STARD4: variants seen among roughly 807,000 people sequenced by gnomAD.
The protein encoded by STARD4 is stAR-related lipid transfer protein 4.
Under a neutral mutation model 24.9 loss-of-function variants are expected in STARD4, and 33 were observed. The observed-to-expected ratio is 1.32, with a 90% CI of 1.00 to 1.77. The LOEUF (loss-of-function observed/expected upper bound fraction) is 1.77. STARD4 is among the 40% of genes most tolerant of loss of function. The pLI is 0.00. For missense variants in STARD4, 238 were observed against 249.3 expected (o/e 0.95, Z 0.31); for synonymous variants, 88 against 77.4 (o/e 1.14, Z -0.72).
chr5:111,501,930 C>T, intron 4 of STARD4, 32 bp downstream of exon 4: 1 of 1,612,574 alleles, frequency 6.2e-7, no homozygotes. Context: ...TGCACATACA[C>T]ACAGTCTAAA....
At chr5:111,509,948 T>C (rs185280310) in intron 1 of STARD4, among the ~76,000 whole-genome samples, 625 of 152,290 alleles carry the variant, frequency 4.1e-3, no homozygotes, top group Non-Finnish European at 7.0e-3. Context: ...ATTCAGATTT[T>C]ACTCTCAAAT....
rs1483078004 is a variant in STARD4 at position 111,507,203 on chromosome 5, T to G, written c.105+126A>C. On this transcript the variant is annotated intron_variant, in intron 2 of 5. Coordinates refer to ENST00000296632, the MANE Select transcript of STARD4 (RefSeq NM_139164.3). This position sits in a 1 kb window ranked among gnomAD's most constrained non-coding sequence, Gnocchi z 4.4. ...AGACTATCAACTTTATTAGCTCAAT[T>G]ATTTTTCTTGCATATCCATCCAAAG... 6 of 720,192 alleles carry G rather than the reference T, an allele frequency of 8.3e-6. No individual in the cohort carries two copies. The highest frequency in any genetic ancestry group is 1.8e-5 in the African/African-American group (1 of 55,154). 44.6% of individuals were successfully genotyped at this position (720,192 alleles called of 1,614,324 possible). A position where few individuals can be genotyped will look rare whatever the true frequency, so the allele number is the denominator to read the frequency against.
In STARD4 at chr5:111,507,557, T is replaced by C. The variant is rs908543904; in HGVS notation, c.-9-115A>G. 1.5e-6 allele frequency: 1 copy of C among 658,186 alleles called. No homozygotes were observed. The highest frequency in any genetic ancestry group is 1.9e-5 in the African/African-American group (1 of 53,602). 40.8% of individuals were successfully genotyped at this position (658,186 alleles called of 1,614,324 possible). ...ACCTACCAGAGCTATAAAAGATAGC[T>C]ACCCTCACCCCAAATCAACTAATCA... On this transcript the variant is annotated intron_variant, in intron 1 of 5. Transcript: ENST00000296632. The surrounding 1 kb of genome is among the most constrained non-coding windows in gnomAD (Gnocchi z 4.4).
intron 2 of STARD4, among the ~76,000 whole-genome samples, chr5:111,506,783 G>C (rs1450454869): frequency 6.6e-6 from 1 of 152,188 alleles, no homozygotes; most frequent in Non-Finnish European, 1.5e-5. Flanking sequence ...TATTACGACA[G>C]TGTTAACATG....
chr5:111,500,378 G>A, intron 5 of STARD4: 10 of 1,132,076 alleles, frequency 8.8e-6, no homozygotes, highest in Non-Finnish European at 1.1e-5. Flanking sequence ...ACAAATCTTG[G>A]TTGTAGTATC....
At position 111,507,019 on chromosome 5, in the gene STARD4, C is replaced by T. The variant is rs1358966366; in HGVS notation, c.105+310G>A. Among the ~76,000 whole-genome samples the T allele has an allele frequency of 6.6e-6, 1 of 152,154 alleles. No homozygotes were observed. Among genetic ancestry groups the T allele is most frequent in the Non-Finnish European group, 1.5e-5 (1 of 67,998 alleles). On this transcript the variant is annotated intron_variant, in intron 2 of 5. Transcript: ENST00000296632. This position sits in a 1 kb window ranked among gnomAD's most constrained non-coding sequence, Gnocchi z 4.4. ...AACTATTCCAAACTCTCAAGTACTA[C>T]ACTTTCTTAAATTAATAATGATACA...
chr5:111,506,044 G>A (rs1265292431), intron 3 of STARD4, among the ~76,000 whole-genome samples: 1 of 151,802 alleles, frequency 6.6e-6, no homozygotes, highest in Non-Finnish European at 1.5e-5. Context: ...TACAAAAAAA[G>A]TTAGCCAGGC....
At chr5:111,503,397 G>A (rs1756610107) in intron 3 of STARD4, among the ~76,000 whole-genome samples, 2 of 152,186 alleles carry the variant, frequency 1.3e-5, no homozygotes, top group South Asian at 4.1e-4. Flanking sequence ...TTGGGAGGCC[G>A]AGGTGGGCGG....
chr5:111,508,151 C>T (rs745434528), intron 1 of STARD4, among the ~76,000 whole-genome samples: 5 of 152,076 alleles, frequency 3.3e-5, no homozygotes, highest in Admixed American at 6.5e-5. Context: ...AACCTCCTAT[C>T]CTTCATAAAG....
intron 1 of STARD4, among the ~76,000 whole-genome samples, chr5:111,510,288 T>C (rs2112577234): frequency 6.6e-6 from 1 of 152,312 alleles, no homozygotes; most frequent in East Asian, 1.9e-4. Flanking sequence ...TTGGGGGAGA[T>C]GGGTTATCAA....
Position 111,497,690 on chromosome 5 carries a change from T to G in STARD4, c.*2196A>C, listed in dbSNP as rs553703248. On this transcript the variant is annotated 3_prime_UTR_variant, in exon 6 of 6. Coordinates refer to ENST00000296632, the MANE Select transcript of STARD4 (RefSeq NM_139164.3). ...TTAATTACATATATCACTTACATTA[T>G]TGTTCTATCCTACAGCATTGCTATA... 6.6e-6 allele frequency: 1 copy of G among 152,196 alleles called. No homozygotes were observed. Among genetic ancestry groups the G allele is most frequent in the South Asian group, 2.1e-4 (1 of 4,824 alleles). 9.4% of individuals were successfully genotyped at this position (152,196 alleles called of 1,614,324 possible).
Position 111,499,325 on chromosome 5 carries a change from C to T in STARD4, c.*561G>A, listed in dbSNP as rs1420643793. The T allele has an allele frequency of 6.6e-6, 1 of 152,216 alleles. No individual in the cohort carries two copies. Among genetic ancestry groups the T allele is most frequent in the Non-Finnish European group, 1.5e-5 (1 of 68,098 alleles). The allele number at this position is 152,216 out of a possible 1,614,324, so 9.4% of individuals were successfully genotyped here. A position where few individuals can be genotyped will look rare whatever the true frequency, so the allele number is the denominator to read the frequency against. On this transcript the variant is annotated 3_prime_UTR_variant, in exon 6 of 6. Coordinates refer to ENST00000296632, the MANE Select transcript of STARD4 (RefSeq NM_139164.3). ...GGGTAAATCTAAGACTGTATTTGTT[C>T]TAGTTACAGACTGATGCTTTTAAGA...
At position 111,496,665 on chromosome 5, in the gene STARD4, T is replaced by C. The variant is rs1756113368; in HGVS notation, c.*3221A>G. 1 of 152,116 alleles carries C rather than the reference T, an allele frequency of 6.6e-6. No individual in the cohort carries two copies. Among genetic ancestry groups the C allele is most frequent in the South Asian group, 2.1e-4 (1 of 4,834 alleles). The allele number at this position is 152,116 out of a possible 1,614,324, so 9.4% of individuals were successfully genotyped here. ...CCATCTTCTCCAGATACAACCTCAA[T>C]TACATAGTTTTTTAGCTTGAGATAT... On this transcript the variant is annotated 3_prime_UTR_variant, in exon 6 of 6. Transcript: ENST00000296632.
Position 111,500,075 on chromosome 5 carries a change from T to G in STARD4, c.429A>C (p.Pro143=). Residue 143 remains proline (P), a synonymous_variant, in exon 6 of 6, where the codon CCA becomes CCC. Coordinates refer to ENST00000296632, the MANE Select transcript of STARD4 (RefSeq NM_139164.3). ...GATGGTTATATCCTCGAACAAATTC[T>G]GGTCTCTTTTCATCCCAGTCAAGAC... ...GISLDWDEKR[P]EFVRGYNHPC... The G allele has an allele frequency of 6.2e-7, 1 of 1,613,556 alleles. No individual in the cohort carries two copies. Among genetic ancestry groups the G allele is most frequent in the African/African-American group, 1.3e-5 (1 of 75,060 alleles).
intron 2 of STARD4, 70 bp from the exon 3 acceptor site, chr5:111,506,449 T>C (rs573763173): frequency 6.0e-5 from 40 of 663,102 alleles, no homozygotes; most frequent in South Asian, 5.9e-4. Flanking sequence ...CTGATAATTT[T>C]ATAAGTCTAT....
At position 111,496,157 on chromosome 5, in the gene STARD4, A is replaced by G. The variant is rs762982825; in HGVS notation, c.*3729T>C. 2 of 152,046 alleles carry G rather than the reference A, an allele frequency of 1.3e-5. No homozygotes were observed. Among genetic ancestry groups the G allele is most frequent in the Non-Finnish European group, 2.9e-5 (2 of 67,956 alleles). The allele number at this position is 152,046 out of a possible 1,614,324, so 9.4% of individuals were successfully genotyped here. ...TCTAGTTTTACATATTGGTTCACAAAAGAATTATATAAACTTCTTAAAAAT... is the reference window on the plus strand; with the variant it reads ...TCTAGTTTTACATATTGGTTCACAAGAGAATTATATAAACTTCTTAAAAAT... On this transcript the variant is annotated 3_prime_UTR_variant, in exon 6 of 6. Transcript: ENST00000296632.
At chr5:111,509,484 C>T (rs968651575) in intron 1 of STARD4, among the ~76,000 whole-genome samples, 1 of 152,100 alleles carries the variant, frequency 6.6e-6, no homozygotes, top group Non-Finnish European at 1.5e-5. Flanking sequence ...CTTACTATAG[C>T]TTACAGGCCC....
chr5:111,501,011 A>G lies in STARD4; in HGVS notation c.388T>C (p.Leu130=). The G allele has an allele frequency of 6.2e-7, 1 of 1,613,902 alleles. No individual in the cohort carries two copies. ...SYTVGYKEGL[L]SCGISLDWDE... ...ATGTTGAGATTATTACCACAAGATA[A>G]AAGCCCTTCTTTATAGCCCACAGTA... Residue 130 remains leucine, a synonymous_variant, in exon 5 of 6, where the codon TTA becomes CTA. Coordinates refer to ENST00000296632, the MANE Select transcript of STARD4 (RefSeq NM_139164.3).
At position 111,508,668 on chromosome 5, in the gene STARD4, G is replaced by T. The variant is rs1028134776; in HGVS notation, c.-9-1226C>A. Among the ~76,000 whole-genome samples, 4 of 152,120 alleles carry T rather than the reference G, an allele frequency of 2.6e-5. No individual in the cohort carries two copies. In the East Asian group the frequency reaches 7.7e-4, roughly 29 times the overall value. On this transcript the variant is annotated intron_variant, in intron 1 of 5. Coordinates refer to ENST00000296632, the MANE Select transcript of STARD4 (RefSeq NM_139164.3). ...GCACACATCAGAATCACCTTTTTAT[G>T]CTTTGTACTAGTTGTCGCTGCTTTT...
Sources: allele counts gnomAD v4.1 joint callset (sites outside exome capture counted in the v4.1 genomes callset), GRCh38; gene constraint gnomAD v4.1.1; non-coding constraint Gnocchi (gnomAD v3.1); transcripts MANE v1.5; gene names NCBI Gene and HGNC (gene_info 2026-07-23, HGNC 2026-07-21).